The following CLSTN2 variants were observed in gnomAD, a reference collection of about 807,000 sequenced individuals.
CLSTN2 encodes calsyntenin 2.
A neutral mutation model predicts 101.2 loss-of-function variants in CLSTN2; 48 were observed. The observed-to-expected ratio is 0.47, with a 90% CI of 0.38 to 0.60. CLSTN2 has a LOEUF of 0.60. Ranked by LOEUF, CLSTN2 falls within the 20% of genes least tolerant of loss-of-function variation. The pLI is 0.00. For synonymous variants in CLSTN2, 481 were observed against 463.6 expected, an observed-to-expected ratio of 1.04 and a Z score of -0.48; for missense variants, 1,160 against 1,238.2, an observed-to-expected ratio of 0.94 and a Z score of 0.95.
intron 8 of CLSTN2, among the ~76,000 whole-genome samples, chr3:140,481,251 A>G (rs1309382895): frequency 3.9e-5 from 6 of 152,268 alleles, no homozygotes; most frequent in South Asian, 2.1e-4. Flanking sequence ...AAGATCAGAT[A>G]GTTGTAGATA....
chr3:139,949,249 T>A (rs956776103), intron 1 of CLSTN2, among the ~76,000 whole-genome samples: 1 of 152,214 alleles, frequency 6.6e-6, no homozygotes, highest in Non-Finnish European at 1.5e-5. Flanking sequence ...GTTCTCAGAC[T>A]CGGTCTAACG....
At chr3:140,111,683 C>A (rs2009158263) in intron 1 of CLSTN2, among the ~76,000 whole-genome samples, 1 of 152,052 alleles carries the variant, frequency 6.6e-6, no homozygotes, top group South Asian at 2.1e-4. Flanking sequence ...TTCCTGGGGC[C>A]TACAAGAGGA....
chr3:140,103,856 A>C (rs2009008197), intron 1 of CLSTN2, among the ~76,000 whole-genome samples: 1 of 152,216 alleles, frequency 6.6e-6, no homozygotes, highest in African/African-American at 2.4e-5. Flanking sequence ...AAACACATAA[A>C]AAAGGGATTT....
chr3:140,253,821 C>A (rs552481809), intron 2 of CLSTN2, among the ~76,000 whole-genome samples: 27 of 151,682 alleles, frequency 1.8e-4, no homozygotes, highest in Non-Finnish European at 2.8e-4. Flanking sequence ...ATGGTTCTTG[C>A]CATTTAGTCC....
At chr3:140,271,895 G>A (rs768416957) in intron 2 of CLSTN2, among the ~76,000 whole-genome samples, 6 of 152,188 alleles carry the variant, frequency 3.9e-5, no homozygotes, top group Non-Finnish European at 8.8e-5. Context: ...TGTGCAAAAT[G>A]TGTTGGCTTA....
At chr3:140,365,233 T>C (rs2087773065) in intron 2 of CLSTN2, among the ~76,000 whole-genome samples, 1 of 152,080 alleles carries the variant, frequency 6.6e-6, no homozygotes, top group Non-Finnish European at 1.5e-5. Context: ...TACAAATGCA[T>C]GAATAAATGC....
At chr3:140,266,826 G>A (rs549470679) in intron 2 of CLSTN2, among the ~76,000 whole-genome samples, 1 of 152,304 alleles carries the variant, frequency 6.6e-6, no homozygotes, top group Non-Finnish European at 1.5e-5. Flanking sequence ...TGGCCATGGT[G>A]TTAATCAGCA....
At chr3:140,108,541 T>C (rs1441597008) in intron 1 of CLSTN2, among the ~76,000 whole-genome samples, 1 of 152,172 alleles carries the variant, frequency 6.6e-6, no homozygotes, top group East Asian at 1.9e-4. Context: ...GAATTTTTTA[T>C]TTGTTTTTGT....
In CLSTN2 at chr3:140,459,608, T is replaced by C; in HGVS notation, c.1061T>C (p.Met354Thr). The C allele has an allele frequency of 6.8e-6, 11 of 1,614,154 alleles. No homozygotes were observed. The highest frequency in any genetic ancestry group is 9.3e-6 in the Non-Finnish European group (11 of 1,180,018). The change falls in exon 7 of 17, where the codon ATG (methionine) becomes ACG (threonine). Residue 354 changes from methionine (M) to threonine (T), a missense_variant. Coordinates refer to ENST00000458420, the MANE Select transcript of CLSTN2 (RefSeq NM_022131.3). The stretch of plus-strand genomic sequence containing the variant: ...GGACTGCTGGTGGACAGCAGTGAGA[T>C]GATCTTCAAGTTTGACGGCAGGCAG... The part of the protein sequence containing the change: ...TAGLLVDSSE[M>T]IFKFDGRQGA...
chr3:140,462,380 C>A (rs1576581393), intron 7 of CLSTN2, among the ~76,000 whole-genome samples: 1 of 152,184 alleles, frequency 6.6e-6, no homozygotes, highest in East Asian at 1.9e-4. Flanking sequence ...AATGCAAACA[C>A]AGCAATGCTG....
intron 8 of CLSTN2, 102 bp downstream of exon 8, chr3:140,466,833 C>A: frequency 6.7e-7 from 1 of 1,496,200 alleles, no homozygotes; most frequent in South Asian, 1.3e-5. Context: ...AGGTCCTGAC[C>A]ACTTGCTGAA....
intron 5 of CLSTN2, among the ~76,000 whole-genome samples, chr3:140,446,829 T>C (rs1202916736): frequency 6.6e-6 from 1 of 152,206 alleles, no homozygotes; most frequent in East Asian, 1.9e-4. Flanking sequence ...AGCCCCTCTC[T>C]ATCACTGGCT....
At position 140,281,750 on chromosome 3, in the gene CLSTN2, G is replaced by T. The variant is rs987009220; in HGVS notation, c.232+105677G>T. Among the ~76,000 whole-genome samples the T allele has an allele frequency of 3.0e-4, 16 of 53,938 alleles. No individual in the cohort carries two copies. The East Asian group carries it at 0.01, about 35-fold the overall frequency. The allele number at this position is 53,938 out of a possible 152,430, so 35.4% of individuals were successfully genotyped here. ...TCTGATTGAAATTAATAATAAAACT[G>T]TCAGAGAGAGAGCGAGAGAGAGAGA... On this transcript the variant is annotated intron_variant, in intron 2 of 16. Transcript: ENST00000458420.
chr3:140,399,774 C>T (rs2088220408), intron 2 of CLSTN2, among the ~76,000 whole-genome samples: 1 of 151,892 alleles, frequency 6.6e-6, no homozygotes, highest in African/African-American at 2.4e-5. Context: ...AGGTATATTG[C>T]TTGGTGCTAG....
At chr3:140,381,941 C>T (rs536656076) in intron 2 of CLSTN2, among the ~76,000 whole-genome samples, 2 of 152,292 alleles carry the variant, frequency 1.3e-5, no homozygotes, top group Non-Finnish European at 2.9e-5. Flanking sequence ...CATGATGTGT[C>T]CATGCCTACT....
At position 140,546,576 on chromosome 3, in the gene CLSTN2, C is replaced by T. The variant is rs374836443; in HGVS notation, c.1569C>T (p.Thr523=). 4.3e-6 allele frequency: 7 copies of T among 1,614,022 alleles called. No individual in the cohort carries two copies. The highest frequency in any genetic ancestry group is 5.9e-6 in the Non-Finnish European group (7 of 1,180,010). Reference sequence around the variant, plus strand: ...TTCATGGAAGCCTGGCCAGTCTCACCATCCGCCCTGGCAAAATGGAAAGCC... The same window carrying T: ...TTCATGGAAGCCTGGCCAGTCTCACTATCCGCCCTGGCAAAATGGAAAGCC... ...QFFHGSLASL[T]IRPGKMESQK... The change falls in exon 10 of 17, where the codon ACC becomes ACT. Residue 523 remains threonine (T), a synonymous_variant. Coordinates refer to ENST00000458420, the MANE Select transcript of CLSTN2 (RefSeq NM_022131.3).
chr3:140,156,188 G>A (rs927528067), intron 1 of CLSTN2, among the ~76,000 whole-genome samples: 2 of 152,178 alleles, frequency 1.3e-5, no homozygotes, highest in African/African-American at 4.8e-5. Flanking sequence ...CAAACGTTGT[G>A]TTGAGAAAGA....
intron 1 of CLSTN2, among the ~76,000 whole-genome samples, chr3:140,131,665 G>T (rs1420953077): frequency 6.7e-6 from 1 of 149,474 alleles, no homozygotes; most frequent in Non-Finnish European, 1.5e-5. Flanking sequence ...TGGTAGTTGT[G>T]TGAGAGGAGG....
chr3:140,414,618 A>G (rs2088406078), intron 4 of CLSTN2, among the ~76,000 whole-genome samples: 2 of 152,050 alleles, frequency 1.3e-5, no homozygotes, highest in South Asian at 2.1e-4. Context: ...ATTGGGAACA[A>G]TGTACACTAC....
Sources: gnomAD v4.1 joint callset for allele counts (sites outside exome capture counted in the v4.1 genomes callset) on GRCh38, gnomAD v4.1.1 for gene constraint, MANE v1.5 for transcripts, NCBI Gene and HGNC (gene_info 2026-07-23, HGNC 2026-07-21) for gene names.